The following SHTN1 variants were observed in gnomAD, a reference collection of about 807,000 sequenced individuals.
SHTN1 encodes the protein shootin 1.
In SHTN1, 42 loss-of-function variants were observed where a neutral mutation model predicts 83.1. The observed-to-expected ratio is 0.51, with a 90% CI of 0.39 to 0.65. SHTN1 has a LOEUF of 0.65. Among genes scored for constraint, SHTN1 ranks in the 30% least tolerant of loss-of-function variants. The probability of loss-of-function intolerance (pLI) is 0.00; values close to 1 mark genes in which losing one functional copy is unlikely to be tolerated. For synonymous variants in SHTN1, 224 were observed against 247.7 expected, an observed-to-expected ratio of 0.90 and a Z score of 0.90; for missense variants, 622 against 737.8, an observed-to-expected ratio of 0.84 and a Z score of 1.82.
At chr10:117,070,152 T>C (rs928479340) in intron 1 of SHTN1, among the ~76,000 whole-genome samples, 5 of 151,490 alleles carry the variant, frequency 3.3e-5, no homozygotes, top group African/African-American at 9.7e-5. Flanking sequence ...GCCTGCTGCA[T>C]TGATGCCCAT....
intron 2 of SHTN1, among the ~76,000 whole-genome samples, chr10:117,021,409 T>C (rs1172317475): frequency 6.6e-6 from 1 of 152,094 alleles, no homozygotes; most frequent in African/African-American, 2.4e-5. Flanking sequence ...ATCTCGAAAT[T>C]ATAAAGACTG....
At chr10:116,970,546 T>A (rs186615496) in intron 2 of SHTN1, among the ~76,000 whole-genome samples, 29 of 152,110 alleles carry the variant, frequency 1.9e-4, no homozygotes, top group Admixed American at 1.8e-3. Context: ...AAACCCCATC[T>A]CTACTAAAAA....
intron 1 of SHTN1, among the ~76,000 whole-genome samples, chr10:117,058,058 C>T (rs1343891839): frequency 6.6e-6 from 1 of 152,126 alleles, no homozygotes; most frequent in Non-Finnish European, 1.5e-5. Context: ...AAACATAAAA[C>T]TTCAAACTAT....
intron 1 of SHTN1, among the ~76,000 whole-genome samples, chr10:117,113,210 T>C (rs1050023871): frequency 3.9e-5 from 6 of 152,206 alleles, no homozygotes; most frequent in African/African-American, 1.2e-4. Context: ...TAATTCTCTT[T>C]GAGCAGGAAT....
rs776802791 is a variant in SHTN1, at chr10:116,945,013, T to A, written c.622A>T (p.Met208Leu). The A allele has an allele frequency of 6.3e-7, 1 of 1,587,188 alleles. No homozygotes were observed. The highest frequency in any genetic ancestry group is 1.1e-5 in the South Asian group (1 of 89,918). Residue 208 changes from methionine to leucine, a missense_variant, in exon 8 of 17, where the codon ATG becomes TTG. Coordinates refer to ENST00000355371, the MANE Select transcript of SHTN1 (RefSeq NM_001127211.3). ...TCCTCATACTCTTCTACAGCTAACA[T>A]GGACACTTAAGAAGATAAAGGAAAA... ...KVLEKCNRVSMLAVEEYEEMQ... is the reference protein window; with the variant it reads ...KVLEKCNRVSLLAVEEYEEMQ...
At chr10:116,921,835 T>C (rs1038927349) in intron 11 of SHTN1, among the ~76,000 whole-genome samples, 6 of 152,130 alleles carry the variant, frequency 3.9e-5, no homozygotes, top group Non-Finnish European at 7.4e-5. Flanking sequence ...ATCTATGTAC[T>C]ATGTTAGAGG....
At chr10:117,043,626 A>G (rs1003878092) in intron 2 of SHTN1, among the ~76,000 whole-genome samples, 1 of 151,920 alleles carries the variant, frequency 6.6e-6, no homozygotes, top group African/African-American at 2.4e-5. Context: ...AGACTGCTTG[A>G]GCCCAGGAGT....
chr10:117,049,531 G>A (rs1852712393), intron 1 of SHTN1, among the ~76,000 whole-genome samples: 1 of 152,212 alleles, frequency 6.6e-6, no homozygotes, highest in African/African-American at 2.4e-5. Context: ...GAAGGAGTAT[G>A]TCTGTTTAAA....
chr10:116,985,672 T>C (rs1851194534), intron 1 of SHTN1, among the ~76,000 whole-genome samples: 1 of 152,222 alleles, frequency 6.6e-6, no homozygotes, highest in African/African-American at 2.4e-5. Context: ...AAGGTTTAAA[T>C]AGCCATCAAA....
chr10:117,076,352 A>G (rs1238973827), intron 1 of SHTN1, among the ~76,000 whole-genome samples: 1 of 152,162 alleles, frequency 6.6e-6, no homozygotes, highest in Non-Finnish European at 1.5e-5. Context: ...TGTCCGCTAG[A>G]GTGCTGAACT....
chr10:116,903,816 G>T (rs1283617219), intron 15 of SHTN1, among the ~76,000 whole-genome samples: 1 of 152,152 alleles, frequency 6.6e-6, no homozygotes, highest in Admixed American at 6.6e-5. Context: ...AGTGAGCTAA[G>T]CTACAGCTCT....
intron 15 of SHTN1, among the ~76,000 whole-genome samples, chr10:116,905,455 A>G (rs796765301): frequency 1.3e-5 from 2 of 152,258 alleles, no homozygotes; most frequent in African/African-American, 2.4e-5. Flanking sequence ...TTAATACCAG[A>G]ACTTCCAAAC....
chr10:117,064,761 T>C (rs1589917151), intron 1 of SHTN1, among the ~76,000 whole-genome samples: 1 of 151,948 alleles, frequency 6.6e-6, no homozygotes, highest in African/African-American at 2.4e-5. Context: ...CCCACACAAC[T>C]GTGGTGTTCA....
chr10:117,124,272 G>C (rs1343695681), intron 1 of SHTN1, among the ~76,000 whole-genome samples: 1 of 151,902 alleles, frequency 6.6e-6, no homozygotes, highest in Non-Finnish European at 1.5e-5. Flanking sequence ...TCTAACCTGG[G>C]GGTTAATGAG....
chr10:117,016,722 A>G (rs1209743070), intron 2 of SHTN1, among the ~76,000 whole-genome samples: 1 of 152,118 alleles, frequency 6.6e-6, no homozygotes, highest in Non-Finnish European at 1.5e-5. Context: ...ATTCCTTAAT[A>G]TATCAGTTGC....
At position 116,931,243 on chromosome 10, in the gene SHTN1, C is replaced by T. The variant is rs542459764; in HGVS notation, c.859-1241G>A. 4.0e-5 allele frequency among the ~76,000 whole-genome samples: 6 copies of T among 149,640 alleles called. No homozygotes were observed. The East Asian group carries it at 5.9e-4, about 15-fold the overall frequency. On this transcript the variant is annotated intron_variant, in intron 9 of 16. Coordinates refer to ENST00000355371, the MANE Select transcript of SHTN1 (RefSeq NM_001127211.3). ...ACTGAAGTGGTTTTTTGTTTTGTTT[C>T]GTTTTTGTTTTTGTTTTTGTTCTGA...
At chr10:117,055,920 T>C (rs988702792) in intron 1 of SHTN1, among the ~76,000 whole-genome samples, 1 of 152,134 alleles carries the variant, frequency 6.6e-6, no homozygotes, top group South Asian at 2.1e-4. Flanking sequence ...CTATGTATGT[T>C]TTACTGTAAT....
At chr10:116,909,696 A>C (rs1010798967) in intron 14 of SHTN1, among the ~76,000 whole-genome samples, 2 of 152,174 alleles carry the variant, frequency 1.3e-5, no homozygotes, top group African/African-American at 2.4e-5. Flanking sequence ...TCAACTCAGA[A>C]AATAGAATAG....
At chr10:117,086,206 C>A (rs1348574244) in intron 1 of SHTN1, among the ~76,000 whole-genome samples, 2 of 152,166 alleles carry the variant, frequency 1.3e-5, no homozygotes, top group Non-Finnish European at 2.9e-5. Context: ...GCGTGAGCCA[C>A]CGCGTCCATC....
Sources: gnomAD v4.1 joint callset for allele counts (sites outside exome capture counted in the v4.1 genomes callset) on GRCh38, gnomAD v4.1.1 for gene constraint, MANE v1.5 for transcripts, NCBI Gene and HGNC (gene_info 2026-07-23, HGNC 2026-07-21) for gene names.